CARD14: variants seen among roughly 807,000 people sequenced by gnomAD.
CARD14 encodes the protein caspase recruitment domain family member 14.
Under a neutral mutation model 111.5 loss-of-function variants are expected in CARD14, and 107 were observed. The observed-to-expected ratio is 0.96, with a 90% CI of 0.82 to 1.13. The LOEUF is 1.13. Ranked by LOEUF, CARD14 falls within the 50% of genes most tolerant of loss-of-function variation. The pLI, the probability that CARD14 is intolerant of heterozygous loss-of-function variation, is 0.00. For synonymous variants in CARD14, 617 were observed against 579.6 expected (o/e 1.06, Z -0.93); for missense variants, 1,322 against 1,362.3 (o/e 0.97, Z 0.47).
chr17:80,176,391 G>A (rs1486455899), intron 2 of CARD14, among the ~76,000 whole-genome samples: 1 of 141,414 alleles, frequency 7.1e-6, no homozygotes, highest in African/African-American at 2.7e-5. Context: ...CGTGAGCTGA[G>A]ATTGCACCAT....
chr17:80,207,763 A>G, intron 23 of CARD14: 1 of 238,964 alleles, frequency 4.2e-6, no homozygotes, highest in Non-Finnish European at 8.0e-6. Flanking sequence ...AGAGCAGCTC[A>G]GAGGACCATT....
intron 16 of CARD14, among the ~76,000 whole-genome samples, chr17:80,200,229 ATTTTT>A (rs373332962): frequency 4.0e-5 from 3 of 74,430 alleles, no homozygotes; most frequent in African/African-American, 5.6e-5. Flanking sequence ...TTTACATGTC[ATTTTT>A]TTTTTTTTTT....
At chr17:80,174,803 C>T (rs964672239) in intron 2 of CARD14, among the ~76,000 whole-genome samples, 3 of 152,006 alleles carry the variant, frequency 2.0e-5, no homozygotes, top group South Asian at 2.1e-4. Flanking sequence ...AGCTCTGGGG[C>T]GTTTTCTCTG....
Position 80,195,613 on chromosome 17 carries a change from G to A in CARD14, c.1555G>A (p.Gly519Ser). 1.2e-6 allele frequency: 2 copies of A among 1,613,532 alleles called. No individual in the cohort carries two copies. The highest frequency in any genetic ancestry group is 1.7e-6 in the Non-Finnish European group (2 of 1,179,922). The change falls in exon 14 of 24, where the codon GGC (glycine) becomes AGC (serine). Residue 519 changes from glycine to serine, a missense_variant. By Grantham distance (56) the Gly-to-Ser change is moderately conservative. Transcript: ENST00000648509. This position sits in a 1 kb window ranked among gnomAD's most constrained non-coding sequence, Gnocchi z 4.7. ...DPGALPGAKA[G>S]DPHLDYELLD... The stretch of plus-strand genomic sequence containing the variant: ...GGGAGCCCTGCCGGGAGCTAAGGCA[G>A]GCGACCCACACCTGGATTATGAGCT...
chr17:80,192,656 C>A (rs775605423), intron 12 of CARD14, 37 bp downstream of exon 12: 1 of 1,504,856 alleles, frequency 6.6e-7, no homozygotes, highest in African/African-American at 1.4e-5. Context: ...ACTGCCTTGA[C>A]CCTCTGGGCC....
At chr17:80,172,385 C>T (rs1292084733) in intron 1 of CARD14, among the ~76,000 whole-genome samples, 2 of 152,216 alleles carry the variant, frequency 1.3e-5, no homozygotes, top group Admixed American at 6.5e-5. Context: ...GCTGAGAAAT[C>T]CTGCCCTGAG....
At chr17:80,177,677 G>A (rs970012990) in intron 2 of CARD14, among the ~76,000 whole-genome samples, 7 of 151,996 alleles carry the variant, frequency 4.6e-5, no homozygotes, top group Admixed American at 2.6e-4. Context: ...CCTGGGAGAC[G>A]AGCAAGACTC....
At chr17:80,170,153 G>C (rs553184641) in intron 1 of CARD14, 97 bp downstream of exon 1, 1 of 152,250 alleles carries the variant, frequency 6.6e-6, no homozygotes, top group East Asian at 2.0e-4. Flanking sequence ...TGGGGCCCGA[G>C]AGTGGTCCCA....
At position 80,209,212 on chromosome 17, in the gene CARD14, A is replaced by G. The variant is rs540227743; in HGVS notation, c.*867A>G. 18 of 735,148 alleles carry G rather than the reference A, an allele frequency of 2.4e-5. No homozygotes were observed. The South Asian group carries it at 1.0e-3, about 43-fold the overall frequency. The allele number at this position is 735,148 out of a possible 1,614,324, so 45.5% of individuals were successfully genotyped here. A position where few individuals can be genotyped will look rare whatever the true frequency, so the allele number is the denominator to read the frequency against. ...CTGGGGCTGTTGCAGACTGAATGTC[A>G]TTTTGACAGCAGTGTCCAAGAATCA... On this transcript the variant is annotated 3_prime_UTR_variant, in exon 24 of 24. Coordinates refer to ENST00000648509, the MANE Select transcript of CARD14 (RefSeq NM_001366385.1).
In CARD14 at chr17:80,195,650, CAGG is replaced by C; in HGVS notation, c.1593_1594+1del. 1 of 1,611,202 alleles carries C rather than the reference CAGG, an allele frequency of 6.2e-7. No individual in the cohort carries two copies. The highest frequency in any genetic ancestry group is 8.5e-7 in the Non-Finnish European group (1 of 1,178,754). On this transcript the variant is annotated splice_donor_variant and coding_sequence_variant, in exon 14 of 24. Coordinates refer to ENST00000648509, the MANE Select transcript of CARD14 (RefSeq NM_001366385.1). LOFTEE classifies it high-confidence loss of function. This position sits in a 1 kb window ranked among gnomAD's most constrained non-coding sequence, Gnocchi z 4.7. ...CTGGATTATGAGCTCCTAGACACGG[CAGG>C]TGAGCACGCCCAACCCTGAACCTCC...
Position 80,202,191 on chromosome 17 carries a change from C to G in CARD14, c.1990C>G (p.Leu664Val). 1 of 1,613,692 alleles carries G rather than the reference C, an allele frequency of 6.2e-7. No individual in the cohort carries two copies. Among genetic ancestry groups the G allele is most frequent in the Non-Finnish European group, 8.5e-7 (1 of 1,179,856 alleles). ...VKVNTDGYKR[L>V]LQDLEAKVAT... ...TCCCCTTTTATCAGGTTATAAGAGG[C>G]TACTCCAGGACCTGGAGGCCAAAGT... The change falls in exon 18 of 24, where the codon CTA becomes GTA. Residue 664 changes from leucine (L) to valine (V), a missense_variant. Leu to Val is a conservative substitution (Grantham distance 32). Coordinates refer to ENST00000648509, the MANE Select transcript of CARD14 (RefSeq NM_001366385.1).
Position 80,189,832 on chromosome 17 carries a change from T to C in CARD14, c.923T>C (p.Leu308Pro), listed in dbSNP as rs778718425. ...RQELVERIHS[L>P]RERAVAAERQ... Reference sequence around the variant, plus strand: ...GAGCTGGTGGAGCGCATCCACTCGCTGCGGGAGCGGGCCGTGGCTGCCGAG... The same window carrying C: ...GAGCTGGTGGAGCGCATCCACTCGCCGCGGGAGCGGGCCGTGGCTGCCGAG... The change falls in exon 9 of 24, where the codon CTG becomes CCG. Residue 308 changes from leucine (L) to proline (P), a missense_variant. By Grantham distance (98) the Leu-to-Pro change is moderately conservative (BLOSUM62 -3). Coordinates refer to ENST00000648509, the MANE Select transcript of CARD14 (RefSeq NM_001366385.1). The surrounding 1 kb of genome is among the most constrained non-coding windows in gnomAD (Gnocchi z 4.7). 4 of 1,588,700 alleles carry C rather than the reference T, an allele frequency of 2.5e-6. No individual in the cohort carries two copies. Among genetic ancestry groups the C allele is most frequent in the Admixed American group, 3.7e-5 (2 of 53,524 alleles).
At chr17:80,205,398 T>G in intron 21 of CARD14, 133 bp from the exon 22 acceptor site, 2 of 1,309,374 alleles carry the variant, frequency 1.5e-6, no homozygotes, top group South Asian at 2.8e-5. Flanking sequence ...GGGTCAGGTT[T>G]GTAAAGTGGA....
intron 2 of CARD14, among the ~76,000 whole-genome samples, chr17:80,173,589 G>A (rs1374843858): frequency 6.6e-6 from 1 of 151,432 alleles, no homozygotes; most frequent in Non-Finnish European, 1.5e-5. Context: ...CATAGGCAGT[G>A]CATCCAGATT....
At chr17:80,177,100 C>T (rs2040043770) in intron 2 of CARD14, among the ~76,000 whole-genome samples, 1 of 152,238 alleles carries the variant, frequency 6.6e-6, no homozygotes, top group Non-Finnish European at 1.5e-5. Context: ...GGAGGGTCTG[C>T]TTCATGCCTT....
intron 1 of CARD14, chr17:80,170,362 A>G (rs74000612): frequency 9.7e-4 from 148 of 152,260 alleles, no homozygotes; most frequent in African/African-American, 3.3e-3. Flanking sequence ...TCTCTTCGCT[A>G]TTGCCGTGGG....
At position 80,188,152 on chromosome 17, in the gene CARD14, G is replaced by C; in HGVS notation, c.676-225G>C. ...ACCCTGGATGGAGTTCAACCGCGGT[G>C]CCTCATCTATAAGACAGAGCTGAAA... On this transcript the variant is annotated intron_variant, in intron 7 of 23. Coordinates refer to ENST00000648509, the MANE Select transcript of CARD14 (RefSeq NM_001366385.1). The surrounding 1 kb of genome is among the most constrained non-coding windows in gnomAD (Gnocchi z 4.5). 1 of 484,762 alleles carries C rather than the reference G, an allele frequency of 2.1e-6. No individual in the cohort carries two copies. Among genetic ancestry groups the C allele is most frequent in the Non-Finnish European group, 3.2e-6 (1 of 315,460 alleles). 30.0% of individuals were successfully genotyped at this position (484,762 alleles called of 1,614,324 possible).
chr17:80,181,412 C>T lies in CARD14; in HGVS notation c.-20-7C>T, dbSNP rs1027284200. 7.0e-5 allele frequency: 108 copies of T among 1,551,364 alleles called. No individual in the cohort carries two copies. The Admixed American group carries it at 2.1e-3, about 29-fold the overall frequency. On this transcript the variant is annotated splice_region_variant and splice_polypyrimidine_tract_variant and intron_variant, in intron 4 of 23. Transcript: ENST00000648509. ...GACAACTCCACCCCCATGGCCACCC[C>T]TCCTAGGGTCCTCCCAGCGCCCAGC...
Position 80,184,231 on chromosome 17 carries a change from A to C in CARD14, c.668A>C (p.Gln223Pro). ...GCCGCCTCACGCTGCCGCAGCCTGCAGGAGGAGGTAGGGGGACACCCTGCA... is the reference window on the plus strand; with the variant it reads ...GCCGCCTCACGCTGCCGCAGCCTGCCGGAGGAGGTAGGGGGACACCCTGCA... ...ELAASRCRSL[Q>P]EELYLLKQEL... is the part of the protein sequence containing the mutation. Residue 223 changes from glutamine to proline, a missense_variant, in exon 7 of 24, where the codon CAG becomes CCG. Coordinates refer to ENST00000648509, the MANE Select transcript of CARD14 (RefSeq NM_001366385.1). 1 of 1,526,084 alleles carries C rather than the reference A, an allele frequency of 6.6e-7. No homozygotes were observed. The highest frequency in any genetic ancestry group is 8.8e-7 in the Non-Finnish European group (1 of 1,132,450). The allele number at this position is 1,526,084 out of a possible 1,614,324, so 94.5% of individuals were successfully genotyped here. A position where few individuals can be genotyped will look rare whatever the true frequency, so the allele number is the denominator to read the frequency against.
Sources: allele counts gnomAD v4.1 joint callset (sites outside exome capture counted in the v4.1 genomes callset), GRCh38; gene constraint gnomAD v4.1.1; non-coding constraint Gnocchi (gnomAD v3.1); transcripts MANE v1.5; gene names NCBI Gene and HGNC (gene_info 2026-07-23, HGNC 2026-07-21).